Variants in FOXP2 observed in about 807,000 individuals in gnomAD.
FOXP2 encodes the protein forkhead box protein P2.
Under a neutral mutation model 115.8 loss-of-function variants are expected in FOXP2, and 12 were observed. The observed-to-expected ratio is 0.10, with a 90% CI of 0.07 to 0.17. The LOEUF (loss-of-function observed/expected upper bound fraction) is 0.17, where lower values mean the gene tolerates loss of function less well. Ranked by LOEUF, FOXP2 falls within the 10% of genes least tolerant of loss-of-function variation. The probability of loss-of-function intolerance (pLI) is 1.00; values close to 1 mark genes in which losing one functional copy is unlikely to be tolerated. For synonymous variants in FOXP2, 328 were observed against 297.7 expected, an observed-to-expected ratio of 1.10 and a Z score of -1.05; for missense variants, 629 against 843.5, an observed-to-expected ratio of 0.75 and a Z score of 3.15.
At chr7:114,549,441 T>C (rs1373307552) in intron 3 of FOXP2, among the ~76,000 whole-genome samples, 1 of 152,156 alleles carries the variant, frequency 6.6e-6, no homozygotes, top group Non-Finnish European at 1.5e-5. Context: ...AGGGCAGAAA[T>C]ATTTTATTCT....
At chr7:114,448,417 T>G (rs181162969) in intron 2 of FOXP2, among the ~76,000 whole-genome samples, 2 of 152,248 alleles carry the variant, frequency 1.3e-5, no homozygotes, top group Non-Finnish European at 1.5e-5. Flanking sequence ...GGCAGACTCA[T>G]ACAATAGCTG....
At chr7:114,201,502 A>T (rs542904964) in intron 1 of FOXP2, among the ~76,000 whole-genome samples, 1 of 152,298 alleles carries the variant, frequency 6.6e-6, no homozygotes, top group African/African-American at 2.4e-5. Context: ...ATCAAATTTA[A>T]GGAATTTGAT....
chr7:114,348,933 CA>C (rs2129185367), intron 2 of FOXP2, among the ~76,000 whole-genome samples: 1 of 151,960 alleles, frequency 6.6e-6, no homozygotes, highest in Non-Finnish European at 1.5e-5. Context: ...CAAAATGGGC[CA>C]AATGGGCTCA....
intron 2 of FOXP2, among the ~76,000 whole-genome samples, chr7:114,387,280 C>CA (rs1169599006): frequency 6.6e-6 from 1 of 152,122 alleles, no homozygotes; most frequent in Non-Finnish European, 1.5e-5. Context: ...TGTTACTCTT[C>CA]AAAATTCTCA....
chr7:114,176,300 CTCTCTCTCTCTCTCTCTCTCTTTCTT>C (rs1199348217), intron 1 of FOXP2, among the ~76,000 whole-genome samples: 11 of 106,932 alleles, frequency 1.0e-4, no homozygotes, highest in African/African-American at 3.2e-4. Flanking sequence ...TTCTTTCTTT[CTCTCTCTCTCTCTCTCTCTCTTTCTT>C]TTTCTTTCTT....
intron 3 of FOXP2, among the ~76,000 whole-genome samples, chr7:114,553,569 A>G (rs1462286167): frequency 6.6e-6 from 1 of 152,150 alleles, no homozygotes; most frequent in African/African-American, 2.4e-5. Context: ...TTTTCACAAT[A>G]GAAGATTAAA....
intron 1 of FOXP2, among the ~76,000 whole-genome samples, chr7:114,144,654 A>T (rs915488676): frequency 3.9e-5 from 6 of 152,164 alleles, no homozygotes; most frequent in African/African-American, 1.4e-4. Context: ...AAATTATTAA[A>T]CTAAGACCCT....
chr7:114,495,473 TTC>T (rs1422807493), intron 2 of FOXP2, among the ~76,000 whole-genome samples: 4 of 108,888 alleles, frequency 3.7e-5, no homozygotes, highest in African/African-American at 1.4e-4. Context: ...TGTTTTTTCT[TTC>T]TCTCTCTCTT....
intron 3 of FOXP2, among the ~76,000 whole-genome samples, chr7:114,568,435 G>C (rs1801128730): frequency 6.7e-6 from 1 of 149,512 alleles, no homozygotes; most frequent in African/African-American, 2.5e-5. Context: ...TTTTTTTTTG[G>C]GGGGGGGTTA....
intron 1 of FOXP2, among the ~76,000 whole-genome samples, chr7:114,089,803 A>G (rs1222027029): frequency 6.6e-6 from 1 of 152,028 alleles, no homozygotes; most frequent in African/African-American, 2.4e-5. Flanking sequence ...CCTTTGTACA[A>G]ACAAAATTTC....
intron 16 of FOXP2, among the ~76,000 whole-genome samples, chr7:114,673,979 G>A (rs1328497094): frequency 6.6e-6 from 1 of 152,136 alleles, no homozygotes; most frequent in Non-Finnish European, 1.5e-5. Flanking sequence ...TGGGATTATA[G>A]GCATGAGCCA....
chr7:114,109,408 G>A (rs1163097530), intron 1 of FOXP2, among the ~76,000 whole-genome samples: 1 of 151,992 alleles, frequency 6.6e-6, no homozygotes, highest in Non-Finnish European at 1.5e-5. Context: ...TAACAACATA[G>A]TTTGTGAAGT....
At chr7:114,556,516 T>C (rs757964843) in intron 3 of FOXP2, among the ~76,000 whole-genome samples, 2 of 152,212 alleles carry the variant, frequency 1.3e-5, no homozygotes, top group Non-Finnish European at 2.9e-5. Context: ...GCTGGTACTT[T>C]GTGAATTTGG....
At chr7:114,244,062 T>G (rs1001000949) in intron 1 of FOXP2, among the ~76,000 whole-genome samples, 2 of 152,174 alleles carry the variant, frequency 1.3e-5, no homozygotes, top group Non-Finnish European at 2.9e-5. Context: ...ATAGCCATGA[T>G]GTTTTCTATT....
rs199843738 is a variant in FOXP2, at chr7:114,556,451, T to TGATC, written c.258+21746_258+21749dup. 4.1e-3 allele frequency among the ~76,000 whole-genome samples: 623 copies of TGATC among 152,190 alleles called. 5 individuals carry two copies. The highest frequency in any genetic ancestry group is 0.016 in the East Asian group (81 of 5,174). Reference sequence around the variant, plus strand: ...CAGTCCCTGCATACATTCCTAGGGGTGATCATAATCTGAATTGCTCCCCCC... The same window carrying TGATC: ...CAGTCCCTGCATACATTCCTAGGGGTGATCGATCATAATCTGAATTGCTCCCCCC... On this transcript the variant is annotated intron_variant, in intron 3 of 16. Transcript: ENST00000350908.
intron 2 of FOXP2, among the ~76,000 whole-genome samples, chr7:114,331,730 C>G (rs184534141): frequency 6.6e-6 from 1 of 151,512 alleles, no homozygotes; most frequent in African/African-American, 2.4e-5. Context: ...TGCAGTGGCC[C>G]GATCTTGGCT....
intron 1 of FOXP2, among the ~76,000 whole-genome samples, chr7:114,243,204 C>G (rs1196045796): frequency 7.8e-6 from 1 of 127,680 alleles, no homozygotes; most frequent in East Asian, 2.3e-4. Flanking sequence ...TCGAAGCAAT[C>G]AAAACTAGAG....
In FOXP2 at chr7:114,658,083, T is replaced by TGTCACCATG. The variant is rs1437038788; in HGVS notation, c.1285_1293dup (p.Val429_Met431dup). ...CTTTGCAGCTAAATCTGGTGTCTAG[T>TGTCACCATG]GTCACCATGTCGAAGAATATGTTGG... On this transcript the variant is annotated inframe_insertion, in exon 11 of 17. Transcript: ENST00000350908. 1 of 1,613,728 alleles carries TGTCACCATG rather than the reference T, an allele frequency of 6.2e-7. No homozygotes were observed. The highest frequency in any genetic ancestry group is 8.5e-7 in the Non-Finnish European group (1 of 1,179,832).
chr7:114,524,590 T>C (rs1425155832), intron 2 of FOXP2, among the ~76,000 whole-genome samples: 2 of 152,178 alleles, frequency 1.3e-5, no homozygotes, highest in African/African-American at 4.8e-5. Flanking sequence ...CTAACTATGC[T>C]GAGTCTCAGT....
Sources: allele counts gnomAD v4.1 joint callset (sites outside exome capture counted in the v4.1 genomes callset), GRCh38; gene constraint gnomAD v4.1.1; transcripts MANE v1.5; gene names NCBI Gene and HGNC (gene_info 2026-07-23, HGNC 2026-07-21).